PHF14: variants seen among roughly 807,000 people sequenced by gnomAD.
The protein encoded by PHF14 is PHD finger protein 14.
Under a neutral mutation model 117.9 loss-of-function variants are expected in PHF14, and 55 were observed. The ratio of observed to expected loss-of-function variants is 0.47; its 90% CI spans 0.38 to 0.58. The LOEUF is 0.58. PHF14 is among the 20% of genes least tolerant of loss of function. The probability of loss-of-function intolerance (pLI) is 0.00; values close to 1 mark genes in which losing one functional copy is unlikely to be tolerated. For synonymous variants in PHF14, 409 were observed against 368.6 expected (o/e 1.11, Z -1.26); for missense variants, 978 against 1,122.2 (o/e 0.87, Z 1.84).
At chr7:11,086,619 T>C (rs1260794700) in intron 16 of PHF14, among the ~76,000 whole-genome samples, 2 of 152,186 alleles carry the variant, frequency 1.3e-5, no homozygotes, top group Non-Finnish European at 2.9e-5. Flanking sequence ...CCCCAGTACA[T>C]AACCAAATTG....
intron 16 of PHF14, among the ~76,000 whole-genome samples, chr7:11,064,893 A>T (rs1324681138): frequency 6.6e-6 from 1 of 151,984 alleles, no homozygotes; most frequent in Non-Finnish European, 1.5e-5. Flanking sequence ...ATAATTGCTG[A>T]GTGATAGTAA....
At chr7:11,058,152 A>G (rs1785085427) in intron 14 of PHF14, among the ~76,000 whole-genome samples, 1 of 152,200 alleles carries the variant, frequency 6.6e-6, no homozygotes, top group African/African-American at 2.4e-5. Context: ...TATATCAGAA[A>G]AGGACCACCC....
At chr7:10,989,685 CA>C (rs1163000849) in intron 3 of PHF14, among the ~76,000 whole-genome samples, 16 of 152,164 alleles carry the variant, frequency 1.1e-4, no homozygotes, top group Admixed American at 3.9e-4. Flanking sequence ...GGCTGAAGTG[CA>C]GTGGCGAGAT....
At chr7:11,012,721 C>G (rs1347015377) in intron 4 of PHF14, among the ~76,000 whole-genome samples, 2 of 152,052 alleles carry the variant, frequency 1.3e-5, no homozygotes, top group Admixed American at 1.3e-4. Flanking sequence ...ATGATGAACT[C>G]CTCTCAGAAT....
At chr7:11,004,023 G>A (rs1362227183) in intron 4 of PHF14, among the ~76,000 whole-genome samples, 1 of 152,092 alleles carries the variant, frequency 6.6e-6, no homozygotes, top group Non-Finnish European at 1.5e-5. Context: ...TGAGGTGGGT[G>A]GATCGCTTGA....
intron 17 of PHF14, among the ~76,000 whole-genome samples, chr7:11,149,472 T>C (rs1340967646): frequency 6.6e-6 from 1 of 152,148 alleles, no homozygotes; most frequent in Non-Finnish European, 1.5e-5. Flanking sequence ...TTAAATAAGA[T>C]ACCTTCTAGC....
chr7:11,154,064 C>A (rs553251451), intron 17 of PHF14, among the ~76,000 whole-genome samples: 1 of 151,870 alleles, frequency 6.6e-6, no homozygotes, highest in African/African-American at 2.4e-5. Context: ...GTAGGGTCTA[C>A]CATGATAATG....
rs530053590 is a variant in PHF14 at position 11,005,554 on chromosome 7, C to G, written c.1046-8193C>G. ...ACCTCTAAATAAACTGGATAAATCC[C>G]TAAGATATTTTTCTACAACTTGCTT... is the stretch of plus-strand genomic sequence containing the variant. On this transcript the variant is annotated intron_variant, in intron 4 of 17. Coordinates refer to ENST00000634607, the MANE Select transcript of PHF14 (RefSeq NM_001007157.2). 2.6e-3 allele frequency among the ~76,000 whole-genome samples: 399 copies of G among 152,278 alleles called. 2 individuals carry two copies. The highest frequency in any genetic ancestry group is 3.9e-3 in the Non-Finnish European group (268 of 68,028).
At chr7:10,995,996 G>C (rs1782633414) in intron 4 of PHF14, among the ~76,000 whole-genome samples, 2 of 152,262 alleles carry the variant, frequency 1.3e-5, no homozygotes, top group African/African-American at 2.4e-5. Context: ...CAGGCTGAAG[G>C]CTCCTCAAGT....
chr7:11,111,570 A>T, intron 17 of PHF14, 103 bp downstream of exon 17: 1 of 619,586 alleles, frequency 1.6e-6, no homozygotes, highest in East Asian at 2.9e-5. Context: ...AATATGAAGA[A>T]CCAACATTTT....
chr7:11,079,130 A>G (rs1243873756), intron 16 of PHF14, among the ~76,000 whole-genome samples: 1 of 152,196 alleles, frequency 6.6e-6, no homozygotes, highest in Non-Finnish European at 1.5e-5. Context: ...AATGAACTTA[A>G]AAGGATTTAA....
intron 16 of PHF14, among the ~76,000 whole-genome samples, chr7:11,076,553 AT>A (rs1463265488): frequency 1.2e-3 from 158 of 133,784 alleles, no homozygotes; most frequent in African/African-American, 4.2e-3. Flanking sequence ...TATCTTGGAT[AT>A]TTTTTTCTTT....
rs575122940 is a variant in PHF14 at position 10,987,204 on chromosome 7, A to G, written c.901-3499A>G. ...AAAAAAGGTTAGTTCTGTAACATTTATAAATATCGAGATTCATGAGAATTT... is the reference window on the plus strand; with the variant it reads ...AAAAAAGGTTAGTTCTGTAACATTTGTAAATATCGAGATTCATGAGAATTT... On this transcript the variant is annotated intron_variant, in intron 3 of 17. Transcript: ENST00000634607. Among the ~76,000 whole-genome samples, 5 of 152,328 alleles carry G rather than the reference A, an allele frequency of 3.3e-5. No individual in the cohort carries two copies. The East Asian group carries it at 7.7e-4, about 23-fold the overall frequency.
chr7:10,996,822 A>G (rs1160081669), intron 4 of PHF14, among the ~76,000 whole-genome samples: 1 of 152,192 alleles, frequency 6.6e-6, no homozygotes, highest in African/African-American at 2.4e-5. Context: ...ACCAGAGCCC[A>G]CAAGATAGGT....
chr7:11,054,780 C>A (rs1784960660), intron 14 of PHF14, among the ~76,000 whole-genome samples: 1 of 152,122 alleles, frequency 6.6e-6, no homozygotes, highest in Non-Finnish European at 1.5e-5. Flanking sequence ...CTCCTACTTA[C>A]ACTTTTATTT....
chr7:11,139,288 C>A (rs377567574), intron 17 of PHF14, among the ~76,000 whole-genome samples: 1 of 152,126 alleles, frequency 6.6e-6, no homozygotes, highest in African/African-American at 2.4e-5. Context: ...ATTAGGCATT[C>A]ATCTATCTTT....
intron 17 of PHF14, among the ~76,000 whole-genome samples, chr7:11,128,517 A>G (rs1787999095): frequency 6.6e-6 from 1 of 151,800 alleles, no homozygotes; most frequent in Admixed American, 6.6e-5. Context: ...ACTTTTTCCC[A>G]GTCACTCTTT....
chr7:11,098,185 A>G (rs1786947731), intron 16 of PHF14, among the ~76,000 whole-genome samples: 1 of 152,178 alleles, frequency 6.6e-6, no homozygotes, highest in African/African-American at 2.4e-5. Context: ...CATTTTGATG[A>G]TTCTGTTCAA....
chr7:11,122,331 TTATATA>T (rs146463909), intron 17 of PHF14, among the ~76,000 whole-genome samples: 6 of 84,068 alleles, frequency 7.1e-5, no homozygotes, highest in Non-Finnish European at 1.1e-4. Flanking sequence ...TTTGTACTTT[TTATATA>T]TATATATATA....
Sources: gnomAD v4.1 joint callset for allele counts (sites outside exome capture counted in the v4.1 genomes callset) on GRCh38, gnomAD v4.1.1 for gene constraint, MANE v1.5 for transcripts, NCBI Gene and HGNC (gene_info 2026-07-23, HGNC 2026-07-21) for gene names.